The following ACSBG1 variants were observed in gnomAD, a reference collection of about 807,000 sequenced individuals.
The protein encoded by ACSBG1 is acyl-CoA synthetase bubblegum family member 1.
ACSBG1 carries 39 observed loss-of-function variants against 80.2 expected under a neutral mutation model. The observed-to-expected ratio is 0.49, with a 90% CI of 0.38 to 0.64. The LOEUF is 0.64. ACSBG1 is among the 30% of genes least tolerant of loss of function. The probability of loss-of-function intolerance (pLI) is 0.00; values close to 1 mark genes in which losing one functional copy is unlikely to be tolerated. For missense variants in ACSBG1, 828 were observed against 966.4 expected, an observed-to-expected ratio of 0.86 and a Z score of 1.90; for synonymous variants, 392 against 379.5, an observed-to-expected ratio of 1.03 and a Z score of -0.38.
rs1336097645 is a variant in ACSBG1 at position 78,171,420 on chromosome 15, A to G, written c.*24T>C. 2 of 1,605,116 alleles carry G rather than the reference A, an allele frequency of 1.2e-6. No individual in the cohort carries two copies. Among genetic ancestry groups the G allele is most frequent in the Admixed American group, 1.7e-5 (1 of 59,968 alleles). ...TCGGAACGCCTGCCCTCTATTCTAT[A>G]GAAACTGCAGGCATAGGCCCTGATT... On this transcript the variant is annotated 3_prime_UTR_variant, in exon 14 of 14. Coordinates refer to ENST00000258873, the MANE Select transcript of ACSBG1 (RefSeq NM_015162.5).
At chr15:78,181,909 C>T in intron 8 of ACSBG1, 60 bp downstream of exon 8, 3 of 1,569,374 alleles carry the variant, frequency 1.9e-6, no homozygotes, top group Non-Finnish European at 2.6e-6. Context: ...GGCCCACAGA[C>T]ACATGTGGAC....
intron 1 of ACSBG1, among the ~76,000 whole-genome samples, chr15:78,218,733 G>C (rs1445422861): frequency 1.4e-5 from 2 of 147,730 alleles, no homozygotes; most frequent in South Asian, 2.2e-4. Context: ...TAATGGGGAT[G>C]ATTGAGTTTC....
rs141124513 is a variant in ACSBG1 at position 78,212,891 on chromosome 15, G to A, written c.132-4789C>T. ...CCTCAGAATCAATGGAGAATGCCTC[G>A]CAGGAGGTGGCTGCCTTGGGGCTGT... On this transcript the variant is annotated intron_variant, in intron 1 of 13. Coordinates refer to ENST00000258873, the MANE Select transcript of ACSBG1 (RefSeq NM_015162.5). Among the ~76,000 whole-genome samples the A allele has an allele frequency of 5.9e-5, 9 of 152,282 alleles. No homozygotes were observed. In the East Asian group the frequency reaches 1.4e-3, roughly 23 times the overall value.
At chr15:78,227,797 T>C (rs985339651) in intron 1 of ACSBG1, among the ~76,000 whole-genome samples, 6 of 152,250 alleles carry the variant, frequency 3.9e-5, no homozygotes, top group African/African-American at 9.6e-5. Context: ...GGAATTCTAC[T>C]GAAACGTACA....
intron 2 of ACSBG1, among the ~76,000 whole-genome samples, chr15:78,197,185 G>A (rs550122882): frequency 4.2e-4 from 64 of 152,216 alleles, no homozygotes; most frequent in African/African-American, 1.3e-3. Context: ...AGCCAGGTGC[G>A]AAAAAGGAAA....
rs1049436 is a variant in ACSBG1, at chr15:78,171,027, G to C, written c.*417C>G. The C allele has an allele frequency of 6.4e-6, 1 of 155,774 alleles. No homozygotes were observed. The allele number at this position is 155,774 out of a possible 1,614,324, so 9.6% of individuals were successfully genotyped here. ...AGTAAGTCAGGTCGCTAGGTGAGTT[G>C]TGACTGATTGCTTTTCCTGCAGCGC... is the stretch of plus-strand genomic sequence containing the variant. On this transcript the variant is annotated 3_prime_UTR_variant, in exon 14 of 14. Coordinates refer to ENST00000258873, the MANE Select transcript of ACSBG1 (RefSeq NM_015162.5).
chr15:78,224,877 T>A (rs1273790200), intron 1 of ACSBG1, among the ~76,000 whole-genome samples: 1 of 152,028 alleles, frequency 6.6e-6, no homozygotes, highest in Non-Finnish European at 1.5e-5. Context: ...CATTTGGAGA[T>A]CCTAAAAGAT....
intron 1 of ACSBG1, among the ~76,000 whole-genome samples, chr15:78,232,035 T>C (rs2075450717): frequency 6.6e-6 from 1 of 152,192 alleles, no homozygotes; most frequent in African/African-American, 2.4e-5. Flanking sequence ...GGTCACAGAA[T>C]GGGTTAGGAG....
At position 78,169,851 on chromosome 15, in the gene ACSBG1, T is replaced by A. The variant is rs1162509666; in HGVS notation, c.*1593A>T. 6.6e-6 allele frequency: 1 copy of A among 152,238 alleles called. No homozygotes were observed. The highest frequency in any genetic ancestry group is 2.1e-4 in the South Asian group (1 of 4,834). The allele number at this position is 152,238 out of a possible 1,614,324, so 9.4% of individuals were successfully genotyped here. A position where few individuals can be genotyped will look rare whatever the true frequency, so the allele number is the denominator to read the frequency against. The stretch of plus-strand genomic sequence containing the variant: ...AAGGGCTGAGTGTATTGTAAACTTA[T>A]TCTTGCATGTTGCTGTCTGGGAATG... On this transcript the variant is annotated 3_prime_UTR_variant, in exon 14 of 14. Transcript: ENST00000258873.
intron 13 of ACSBG1, among the ~76,000 whole-genome samples, chr15:78,173,088 G>A (rs2074842330): frequency 6.6e-6 from 1 of 152,220 alleles, no homozygotes; most frequent in Non-Finnish European, 1.5e-5. Flanking sequence ...GCTCACGCCT[G>A]TAATCCCAGC....
chr15:78,195,820 G>C (rs1002993935), intron 2 of ACSBG1, among the ~76,000 whole-genome samples: 4 of 152,196 alleles, frequency 2.6e-5, no homozygotes, highest in Admixed American at 2.0e-4. Flanking sequence ...AGGACAGGTG[G>C]GGCTGCCCTG....
In ACSBG1 at chr15:78,217,566, ATTTT is replaced by A. The variant is rs11302425; in HGVS notation, c.132-9468_132-9465del. Reference sequence around the variant, plus strand: ...TTCATCATCAGACCCTTTTGGAAAAATTTTTTTTTTTTTTTTTGAGATGGAGTCT... The same window carrying A: ...TTCATCATCAGACCCTTTTGGAAAAATTTTTTTTTTTTTGAGATGGAGTCT... On this transcript the variant is annotated intron_variant, in intron 1 of 13. Transcript: ENST00000258873. 1.5e-4 allele frequency among the ~76,000 whole-genome samples: 21 copies of A among 139,154 alleles called. No homozygotes were observed. In the South Asian group the frequency reaches 4.1e-3, roughly 27 times the overall value. 91.3% of individuals were successfully genotyped at this position (139,154 alleles called of 152,430 possible).
intron 1 of ACSBG1, among the ~76,000 whole-genome samples, chr15:78,222,590 C>A (rs1353552473): frequency 6.6e-6 from 1 of 152,138 alleles, no homozygotes; most frequent in African/African-American, 2.4e-5. Flanking sequence ...TTGAGCCCAG[C>A]CAGTGAGCCA....
At chr15:78,224,593 T>G (rs1412145799) in intron 1 of ACSBG1, among the ~76,000 whole-genome samples, 2 of 152,032 alleles carry the variant, frequency 1.3e-5, no homozygotes, top group Non-Finnish European at 2.9e-5. Context: ...TGGTGGCAGA[T>G]ACCTGTAGTC....
intron 5 of ACSBG1, among the ~76,000 whole-genome samples, chr15:78,183,229 T>C (rs1038534743): frequency 6.6e-6 from 1 of 152,260 alleles, no homozygotes; most frequent in Non-Finnish European, 1.5e-5. Flanking sequence ...GCTATATTTG[T>C]GTAAGAAAGG....
chr15:78,215,519 G>C (rs969321537), intron 1 of ACSBG1, among the ~76,000 whole-genome samples: 4 of 152,092 alleles, frequency 2.6e-5, no homozygotes, highest in Admixed American at 1.3e-4. Context: ...AGCTGGGCGT[G>C]GTGGTGCATG....
At chr15:78,232,532 TC>T (rs915757754) in intron 1 of ACSBG1, among the ~76,000 whole-genome samples, 9 of 152,126 alleles carry the variant, frequency 5.9e-5, no homozygotes, top group African/African-American at 2.2e-4. Flanking sequence ...AGACACAGGC[TC>T]CTGTGGCCCT....
At chr15:78,212,898 G>A (rs2075279549) in intron 1 of ACSBG1, among the ~76,000 whole-genome samples, 1 of 152,206 alleles carries the variant, frequency 6.6e-6, no homozygotes, top group African/African-American at 2.4e-5. Context: ...CTCGCAGGAG[G>A]TGGCTGCCTT....
chr15:78,188,675 C>A (rs1458269805), intron 5 of ACSBG1, among the ~76,000 whole-genome samples: 1 of 144,416 alleles, frequency 6.9e-6, no homozygotes, highest in East Asian at 2.0e-4. Context: ...AAAATTAATT[C>A]AAGATGGATT....
Sources: gnomAD v4.1 joint callset for allele counts (sites outside exome capture counted in the v4.1 genomes callset) on GRCh38, gnomAD v4.1.1 for gene constraint, MANE v1.5 for transcripts, NCBI Gene and HGNC (gene_info 2026-07-23, HGNC 2026-07-21) for gene names.